The following SPP2 variants were observed in gnomAD, a reference collection of about 807,000 sequenced individuals.
SPP2 encodes the protein secreted phosphoprotein 24.
A neutral mutation model predicts 28.8 loss-of-function variants in SPP2; 34 were observed. The observed-to-expected ratio is 1.18, with a 90% CI of 0.90 to 1.57. SPP2 has a LOEUF of 1.57. SPP2 is among the 40% of genes most tolerant of loss of function. The pLI, the probability that SPP2 is intolerant of heterozygous loss-of-function variation, is 0.00. For missense variants in SPP2, 269 were observed against 263.9 expected (o/e 1.02, Z -0.13); for synonymous variants, 96 against 89.4 (o/e 1.07, Z -0.42).
At chr2:234,065,054 A>G (rs185842047) in intron 4 of SPP2, among the ~76,000 whole-genome samples, 1 of 152,328 alleles carries the variant, frequency 6.6e-6, no homozygotes, top group African/African-American at 2.4e-5. Context: ...TCTCTTGGAA[A>G]CAGAATTCCT....
Position 234,050,904 on chromosome 2 carries a change from G to A in SPP2, c.85+33G>A, listed in dbSNP as rs911287047. ...ATTCACCAACCTGGCCACCTGCTCT[G>A]GATCATGCAGAGCCATGCTGGCGCC... is the stretch of plus-strand genomic sequence containing the variant. On this transcript the variant is annotated intron_variant, in intron 1 of 7. Coordinates refer to ENST00000168148, the MANE Select transcript of SPP2 (RefSeq NM_006944.3). The A allele has an allele frequency of 5.6e-6, 9 of 1,614,034 alleles. No homozygotes were observed. The South Asian group carries it at 9.9e-5, about 18-fold the overall frequency.
intron 7 of SPP2, among the ~76,000 whole-genome samples, chr2:234,074,673 A>G (rs1690860892): frequency 6.6e-6 from 1 of 152,350 alleles, no homozygotes; most frequent in African/African-American, 2.4e-5. Context: ...ACATTGAATT[A>G]GTGAATACTA....
chr2:234,053,246 T>TGTGTTAAACATATTTACTAGC lies in SPP2; in HGVS notation c.210+2152_210+2172dup, dbSNP rs1252988189. On this transcript the variant is annotated intron_variant, in intron 2 of 7. Transcript: ENST00000168148. ...GTATTTGAAAAGCAAGTTGGAAATA[T>TGTGTTAAACATATTTACTAGC]GTGTTAAACATATTTACTAGCATGT... Among the ~76,000 whole-genome samples the TGTGTTAAACATATTTACTAGC allele has an allele frequency of 2.6e-5, 4 of 152,368 alleles. No individual in the cohort carries two copies. The East Asian group carries it at 7.7e-4, about 29-fold the overall frequency.
intron 4 of SPP2, among the ~76,000 whole-genome samples, chr2:234,062,915 TAA>T (rs1693748351): frequency 6.6e-6 from 1 of 152,234 alleles, no homozygotes; most frequent in Admixed American, 6.5e-5. Flanking sequence ...ACTCAGATAT[TAA>T]GTTAGCCCTT....
At chr2:234,060,919 A>C (rs1257499777) in intron 4 of SPP2, among the ~76,000 whole-genome samples, 1 of 152,130 alleles carries the variant, frequency 6.6e-6, no homozygotes, top group Non-Finnish European at 1.5e-5. Context: ...TTTTTGTTGG[A>C]CCAGTGTTCA....
chr2:234,068,439 A>G (rs2284294), intron 6 of SPP2, among the ~76,000 whole-genome samples: 42,723 of 152,104 alleles, frequency 0.28, 6,136 homozygotes, highest in South Asian at 0.42. Flanking sequence ...TGCGAAATCC[A>G]CCTGATGTTC....
At chr2:234,071,600 A>C (rs1294019472) in intron 7 of SPP2, among the ~76,000 whole-genome samples, 1 of 152,250 alleles carries the variant, frequency 6.6e-6, no homozygotes, top group African/African-American at 2.4e-5. Context: ...GTGCACACAC[A>C]AGTTAATAAT....
chr2:234,066,747 T>G (rs1237685620), intron 5 of SPP2, among the ~76,000 whole-genome samples, 160 bp downstream of exon 5: 2 of 152,250 alleles, frequency 1.3e-5, no homozygotes, highest in Non-Finnish European at 2.9e-5. Flanking sequence ...TTGCTTATTT[T>G]TTATCACTAG....
At chr2:234,072,653 A>G (rs1248423854) in intron 7 of SPP2, among the ~76,000 whole-genome samples, 1 of 152,130 alleles carries the variant, frequency 6.6e-6, no homozygotes, top group East Asian at 1.9e-4. Flanking sequence ...CATGACCTTT[A>G]GCAGGGCAGG....
intron 4 of SPP2, among the ~76,000 whole-genome samples, chr2:234,064,826 C>T (rs1693786945): frequency 6.6e-6 from 1 of 152,334 alleles, no homozygotes; most frequent in South Asian, 2.1e-4. Context: ...TCTTTTGTGA[C>T]TGACTTGTTT....
At chr2:234,067,297 T>G (rs756229590) in intron 6 of SPP2, 23 bp downstream of exon 6, 2 of 1,613,164 alleles carry the variant, frequency 1.2e-6, no homozygotes, top group East Asian at 4.5e-5. Flanking sequence ...TTTCCTGCTG[T>G]GCCACCAGAC....
rs74328389 is a variant in SPP2, at chr2:234,063,901, C to G, written c.445-2632C>G. Among the ~76,000 whole-genome samples the G allele has an allele frequency of 3.5e-3, 539 of 152,256 alleles. 5 individuals are homozygous for G. The highest frequency in any genetic ancestry group is 0.013 in the African/African-American group (520 of 41,562). On this transcript the variant is annotated intron_variant, in intron 4 of 7. Coordinates refer to ENST00000168148, the MANE Select transcript of SPP2 (RefSeq NM_006944.3). Reference sequence around the variant, plus strand: ...AATGATGACAGGAATTCTGAGCTTACGGGAGGGGTGACGGGCATTTAATTT... The same window carrying G: ...AATGATGACAGGAATTCTGAGCTTAGGGGAGGGGTGACGGGCATTTAATTT...
intron 4 of SPP2, among the ~76,000 whole-genome samples, chr2:234,062,790 C>T (rs1242837015): frequency 6.6e-6 from 1 of 152,162 alleles, no homozygotes; most frequent in Non-Finnish European, 1.5e-5. Context: ...GCCTCTTCCA[C>T]CCTGATTTGG....
In SPP2 at chr2:234,058,885, T is replaced by C. The variant is rs771714862; in HGVS notation, c.260T>C (p.Ile87Thr). ...TTGGTCATGAATTTAGAGTTCAGCA[T>C]CCGGGAGACTACATGCAGGAAGGAT... ...NNLVMNLEFS[I>T]RETTCRKDSG... Residue 87 changes from isoleucine to threonine, a missense_variant, in exon 3 of 8, where the codon ATC becomes ACC. Transcript: ENST00000168148. 6.2e-7 allele frequency: 1 copy of C among 1,614,120 alleles called. No individual in the cohort carries two copies.
At position 234,051,121 on chromosome 2, in the gene SPP2, ACTC is replaced by A. The variant is rs760319748; in HGVS notation, c.210+32_210+34del. The A allele has an allele frequency of 1.3e-5, 21 of 1,607,132 alleles. No homozygotes were observed. The East Asian group carries it at 2.2e-4, about 17-fold the overall frequency. ...GTAAGTGCAAAATGAAATCTTCTCT[ACTC>A]CTCCTTCCAATGCTGTCTGCCTTTT... On this transcript the variant is annotated intron_variant, in intron 2 of 7. Transcript: ENST00000168148.
rs948673497 is a variant in SPP2, at chr2:234,058,170, C to T, written c.211-666C>T. Among the ~76,000 whole-genome samples, 5 of 152,294 alleles carry T rather than the reference C, an allele frequency of 3.3e-5. No individual in the cohort carries two copies. In the South Asian group the frequency reaches 6.2e-4, roughly 19 times the overall value. On this transcript the variant is annotated intron_variant, in intron 2 of 7. Transcript: ENST00000168148. ...CACTGTGACTCCTGCCTGAACAAAG[C>T]TTACCTTACTCACATATTTTCCATG... is the stretch of plus-strand genomic sequence containing the variant.
intron 4 of SPP2, among the ~76,000 whole-genome samples, chr2:234,065,078 A>C (rs764474500): frequency 5.3e-5 from 8 of 152,014 alleles, no homozygotes; most frequent in Non-Finnish European, 1.5e-5. Flanking sequence ...TCATATAGTA[A>C]CTCTATGTTT....
In SPP2 at chr2:234,060,432, C is replaced by T. The variant is rs575965941; in HGVS notation, c.397C>T (p.Arg133Cys). The T allele has an allele frequency of 2.4e-5, 38 of 1,613,644 alleles. No homozygotes were observed. Among genetic ancestry groups the T allele is most frequent in the African/African-American group, 5.3e-5 (4 of 75,004 alleles). The change falls in exon 4 of 8, where the codon CGC becomes TGC. Residue 133 changes from arginine (R) to cysteine (C), a missense_variant. Coordinates refer to ENST00000168148, the MANE Select transcript of SPP2 (RefSeq NM_006944.3). ...SAQQVQGVHA[R>C]CSWSSSTSES... ...CCAGCAGGTGCAGGGCGTGCATGCT[C>T]GCTGCAGCTGGTCCTCCTCCACGTC...
chr2:234,058,993 A>G lies in SPP2; in HGVS notation c.333+35A>G, dbSNP rs769212937. ...AGGAGACCCATCCCAGAAATGAACAAAAGGAAGAGCCTCACTTCTTCCATG... is the reference window on the plus strand; with the variant it reads ...AGGAGACCCATCCCAGAAATGAACAGAAGGAAGAGCCTCACTTCTTCCATG... On this transcript the variant is annotated intron_variant, in intron 3 of 7. Transcript: ENST00000168148. 2.5e-6 allele frequency: 4 copies of G among 1,594,620 alleles called. No individual in the cohort carries two copies. In the African/African-American group the frequency reaches 5.4e-5, roughly 22 times the overall value.
Sources: gnomAD v4.1 joint callset for allele counts (sites outside exome capture counted in the v4.1 genomes callset) on GRCh38, gnomAD v4.1.1 for gene constraint, MANE v1.5 for transcripts, NCBI Gene and HGNC (gene_info 2026-07-23, HGNC 2026-07-21) for gene names.